The following ABCA1 variants were observed in gnomAD, a reference collection of about 807,000 sequenced individuals.
ABCA1 encodes the protein ATP binding cassette subfamily A member 1.
ABCA1 carries 133 observed loss-of-function variants against 262.5 expected under a neutral mutation model. That is an observed-to-expected ratio of 0.51 (90% CI 0.44 to 0.59). ABCA1 has a LOEUF of 0.59. Among genes scored for constraint, ABCA1 ranks in the 20% least tolerant of loss-of-function variants. The pLI is 0.00. For missense variants in ABCA1, 2,452 were observed against 2,777.5 expected, an observed-to-expected ratio of 0.88 and a Z score of 2.63; for synonymous variants, 1,022 against 1,043.5, an observed-to-expected ratio of 0.98 and a Z score of 0.40.
chr9:104,803,233 A>G (rs1325854370), intron 33 of ABCA1, 51 bp downstream of exon 33: 7 of 1,599,886 alleles, frequency 4.4e-6, no homozygotes, highest in Non-Finnish European at 6.0e-6. Context: ...CAAGACACCT[A>G]CAACACCATC....
rs764009112 is a variant in ABCA1 at position 104,821,430 on chromosome 9, T to G, written c.2905A>C (p.Ser969Arg). The G allele has an allele frequency of 1.9e-6, 3 of 1,614,090 alleles. No homozygotes were observed. The highest frequency in any genetic ancestry group is 2.2e-5 in the South Asian group (2 of 91,080). Reference sequence around the variant, plus strand: ...ACCCCCAGGTTCTGCCGGATGGTGCTCATCTCAGAGCGAATGTCTTTTCCC... The same window carrying G: ...ACCCCCAGGTTCTGCCGGATGGTGCGCATCTCAGAGCGAATGTCTTTTCCC... ...ILGKDIRSEM[S>R]TIRQNLGVCP... The change falls in exon 20 of 50, where the codon AGC (serine) becomes CGC (arginine). Residue 969 changes from serine to arginine, a missense_variant. Ser to Arg is a moderately radical substitution (Grantham distance 110). This residue lies in a region of ABCA1 where 665 missense variants were observed against 727.3 expected (regional missense o/e 0.91). Transcript: ENST00000374736.
At chr9:104,922,798 G>T (rs1305460184) in intron 1 of ABCA1, among the ~76,000 whole-genome samples, 1 of 151,962 alleles carries the variant, frequency 6.6e-6, no homozygotes, top group Non-Finnish European at 1.5e-5. Flanking sequence ...TGCAACCTCC[G>T]CCTCCCAGGT....
intron 18 of ABCA1, among the ~76,000 whole-genome samples, chr9:104,823,375 T>C (rs1588307459): frequency 1.3e-5 from 2 of 152,292 alleles, no homozygotes; most frequent in East Asian, 3.9e-4. Context: ...TGAAGAAGGT[T>C]TGTGAATTGT....
In ABCA1 at chr9:104,792,858, C is replaced by T. The variant is rs758897106; in HGVS notation, c.5685G>A (p.Val1895=). ...CAAGAATTCTCTGTCTTTCCCGCCT[C>T]ACATCTTCATCTTCATCATTCAGAG... ...LSPLNDEDED[V]RRERQRILDG... Residue 1895 remains valine, a synonymous_variant, in exon 42 of 50, where the codon GTG becomes GTA. Coordinates refer to ENST00000374736, the MANE Select transcript of ABCA1 (RefSeq NM_005502.4). 1 of 1,614,124 alleles carries T rather than the reference C, an allele frequency of 6.2e-7. No homozygotes were observed. The highest frequency in any genetic ancestry group is 8.5e-7 in the Non-Finnish European group (1 of 1,179,996).
intron 33 of ABCA1, 47 bp from the exon 34 acceptor site, chr9:104,802,206 T>C (rs780826033): frequency 6.6e-7 from 1 of 1,515,086 alleles, no homozygotes. Flanking sequence ...GGGTGCACAG[T>C]ATCATCAGCA....
Position 104,889,098 on chromosome 9 carries a change from T to C in ABCA1, c.160+4A>G. 4 of 1,613,008 alleles carry C rather than the reference T, an allele frequency of 2.5e-6. No homozygotes were observed. Among genetic ancestry groups the C allele is most frequent in the Non-Finnish European group, 3.4e-6 (4 of 1,178,962 alleles). Reference sequence around the variant, plus strand: ...AGTCTCAGGCAACATCCACAGTTACTTACATTCATGTTGTTCATAGGGTGG... The same window carrying C: ...AGTCTCAGGCAACATCCACAGTTACCTACATTCATGTTGTTCATAGGGTGG... On this transcript the variant is annotated splice_donor_region_variant and intron_variant, in intron 3 of 49. Transcript: ENST00000374736.
At chr9:104,839,516 A>G (rs538617826) in intron 9 of ABCA1, among the ~76,000 whole-genome samples, 1 of 136,308 alleles carries the variant, frequency 7.3e-6, no homozygotes, top group African/African-American at 2.9e-5. Context: ...CTTAAATGTT[A>G]GTTCTTTGTT....
At chr9:104,816,508 G>A (rs1831780956) in intron 24 of ABCA1, among the ~76,000 whole-genome samples, 163 bp from the exon 25 acceptor site, 1 of 151,958 alleles carries the variant, frequency 6.6e-6, no homozygotes, top group African/African-American at 2.4e-5. Flanking sequence ...TGAGGGTTGG[G>A]GGCAAAGGAA....
At chr9:104,910,249 G>A (rs374831346) in intron 1 of ABCA1, among the ~76,000 whole-genome samples, 3 of 152,154 alleles carry the variant, frequency 2.0e-5, no homozygotes, top group Non-Finnish European at 2.9e-5. Context: ...TTTGACTGTC[G>A]TATTAGTAGA....
intron 6 of ABCA1, among the ~76,000 whole-genome samples, chr9:104,859,560 C>A (rs1836162617): frequency 6.6e-6 from 1 of 152,212 alleles, no homozygotes; most frequent in Non-Finnish European, 1.5e-5. Context: ...GTAGAACAAC[C>A]TAAGGTGAGT....
chr9:104,890,434 A>C (rs1839612602), intron 2 of ABCA1, among the ~76,000 whole-genome samples: 1 of 152,120 alleles, frequency 6.6e-6, no homozygotes, highest in South Asian at 2.1e-4. Context: ...ACAAAAAAGT[A>C]GCTGGGCATA....
intron 45 of ABCA1, 142 bp from the exon 46 acceptor site, chr9:104,788,196 C>T (rs559724885): frequency 8.4e-7 from 1 of 1,188,366 alleles, no homozygotes; most frequent in Non-Finnish European, 1.2e-6. Context: ...GGAGCCAAAG[C>T]AGGGAGAAGG....
chr9:104,903,568 A>G (rs887477393), intron 2 of ABCA1, 46 bp downstream of exon 2: 1 of 1,550,508 alleles, frequency 6.4e-7, no homozygotes, highest in African/African-American at 1.4e-5. Flanking sequence ...CAAAACCACA[A>G]AGAAAAAATG....
chr9:104,785,119 C>T (rs891035974), intron 49 of ABCA1, among the ~76,000 whole-genome samples: 3 of 152,150 alleles, frequency 2.0e-5, no homozygotes, highest in African/African-American at 7.2e-5. Flanking sequence ...TAGGATTAGG[C>T]ACCAAGTAAA....
At chr9:104,918,482 A>G (rs1349149665) in intron 1 of ABCA1, among the ~76,000 whole-genome samples, 1 of 152,226 alleles carries the variant, frequency 6.6e-6, no homozygotes, top group Non-Finnish European at 1.5e-5. Flanking sequence ...GATTCTTAAA[A>G]GTCTTTTGAC....
At chr9:104,884,126 T>A (rs1564243522) in intron 4 of ABCA1, among the ~76,000 whole-genome samples, 1 of 152,316 alleles carries the variant, frequency 6.6e-6, no homozygotes, top group Admixed American at 6.5e-5. Context: ...AGCCAGCCCA[T>A]TCAGATGCAC....
chr9:104,885,650 T>C (rs765673330), intron 3 of ABCA1, among the ~76,000 whole-genome samples: 1 of 152,186 alleles, frequency 6.6e-6, no homozygotes, highest in Non-Finnish European at 1.5e-5. Context: ...TGGGACATAT[T>C]TGGGCTTGGT....
At chr9:104,904,183 T>C (rs1222440563) in intron 1 of ABCA1, among the ~76,000 whole-genome samples, 1 of 152,134 alleles carries the variant, frequency 6.6e-6, no homozygotes, top group Non-Finnish European at 1.5e-5. Context: ...ATTTGTAAAT[T>C]TTGCCTCAAG....
chr9:104,795,313 G>A (rs554894498), intron 39 of ABCA1, among the ~76,000 whole-genome samples: 54 of 152,284 alleles, frequency 3.5e-4, no homozygotes, highest in Admixed American at 6.5e-4. Flanking sequence ...GTATGGACAG[G>A]AAGAGTTGTG....
Sources: gnomAD v4.1 joint callset for allele counts (sites outside exome capture counted in the v4.1 genomes callset) on GRCh38, gnomAD v4.1.1 for gene constraint, gnomAD v4.1.1 regional missense constraint, MANE v1.5 for transcripts, NCBI Gene and HGNC (gene_info 2026-07-23, HGNC 2026-07-21) for gene names.